The following TNFRSF10B variants were observed in gnomAD, a reference collection of about 807,000 sequenced individuals.
TNFRSF10B encodes tumor necrosis factor receptor superfamily member 10B.
TNFRSF10B carries 35 observed loss-of-function variants against 41.4 expected under a neutral mutation model. The observed-to-expected ratio is 0.85, with a 90% CI of 0.65 to 1.12. TNFRSF10B has a LOEUF of 1.12. Ranked by LOEUF, TNFRSF10B falls within the 50% of genes most tolerant of loss-of-function variation. The pLI is 0.00. For missense variants in TNFRSF10B, 584 were observed against 552.7 expected (o/e 1.06, Z -0.57); for synonymous variants, 230 against 215.5 (o/e 1.07, Z -0.59).
At chr8:23,033,873 A>C (rs1585211181) in intron 2 of TNFRSF10B, among the ~76,000 whole-genome samples, 2 of 152,186 alleles carry the variant, frequency 1.3e-5, no homozygotes, top group South Asian at 4.2e-4. Flanking sequence ...AAAAGGCACT[A>C]ATCCCATCAT....
intron 1 of TNFRSF10B, among the ~76,000 whole-genome samples, chr8:23,043,758 A>C (rs1414501757): frequency 6.6e-6 from 1 of 152,358 alleles, no homozygotes; most frequent in African/African-American, 2.4e-5. Context: ...TAGACCAGAG[A>C]GCCCAGAAAT....
intron 2 of TNFRSF10B, among the ~76,000 whole-genome samples, chr8:23,037,710 T>C (rs1812064178): frequency 6.6e-6 from 1 of 152,222 alleles, no homozygotes. Flanking sequence ...ATATGGCTTT[T>C]TGAAAACTCA....
chr8:23,042,702 G>A (rs1186156215), intron 2 of TNFRSF10B, among the ~76,000 whole-genome samples: 3 of 152,092 alleles, frequency 2.0e-5, no homozygotes, highest in African/African-American at 2.4e-5. Flanking sequence ...CTGACCCCAC[G>A]TGTCTCTCTA....
intron 1 of TNFRSF10B, among the ~76,000 whole-genome samples, chr8:23,047,340 A>G (rs1812393612): frequency 6.8e-6 from 1 of 146,870 alleles, no homozygotes; most frequent in East Asian, 2.0e-4. Flanking sequence ...CTAGGCAACA[A>G]GAGTGAAATT....
In TNFRSF10B at chr8:23,022,239, GAC is replaced by G. The variant is rs576075595; in HGVS notation, c.*430_*431del. On this transcript the variant is annotated 3_prime_UTR_variant, in exon 9 of 9. Coordinates refer to ENST00000276431, the MANE Select transcript of TNFRSF10B (RefSeq NM_003842.5). ...TGCACCATTGCACTCCAGCCTGGGA[GAC>G]AGAGTGAACTGCCCCGCACCCCCCA... 9.0e-4 allele frequency: 407 copies of G among 453,400 alleles called. No homozygotes were observed. Among genetic ancestry groups the G allele is most frequent in the African/African-American group, 7.5e-3 (375 of 50,106 alleles). 28.1% of individuals were successfully genotyped at this position (453,400 alleles called of 1,614,324 possible). A position where few individuals can be genotyped will look rare whatever the true frequency, so the allele number is the denominator to read the frequency against.
chr8:23,046,350 A>C (rs144991431), intron 1 of TNFRSF10B, among the ~76,000 whole-genome samples: 163 of 152,236 alleles, frequency 1.1e-3, no homozygotes, highest in Admixed American at 3.1e-3. Flanking sequence ...GCAATGACAA[A>C]AAAAAATTAG....
rs1481179846 is a variant in TNFRSF10B at position 23,022,187 on chromosome 8, G to C, written c.*484C>G. The C allele has an allele frequency of 2.2e-6, 1 of 450,556 alleles. No homozygotes were observed. Among genetic ancestry groups the C allele is most frequent in the Non-Finnish European group, 4.5e-6 (1 of 224,034 alleles). 27.9% of individuals were successfully genotyped at this position (450,556 alleles called of 1,614,324 possible). A position where few individuals can be genotyped will look rare whatever the true frequency, so the allele number is the denominator to read the frequency against. On this transcript the variant is annotated 3_prime_UTR_variant, in exon 9 of 9. Coordinates refer to ENST00000276431, the MANE Select transcript of TNFRSF10B (RefSeq NM_003842.5). ...AGGTGGGAGAATCGCTTGAGCCTGA[G>C]AGGTCAAGGCTATAGTGAGCCAAGA...
intron 5 of TNFRSF10B, 84 bp from the exon 6 acceptor site, chr8:23,027,837 G>C: frequency 6.5e-7 from 1 of 1,539,284 alleles, no homozygotes; most frequent in African/African-American, 1.4e-5. Flanking sequence ...CGCAGGGCTG[G>C]GCTGGGGGCT....
chr8:23,067,518 C>A (rs1813024755), intron 1 of TNFRSF10B, among the ~76,000 whole-genome samples: 1 of 151,950 alleles, frequency 6.6e-6, no homozygotes, highest in African/African-American at 2.4e-5. Context: ...TCTTTAAAAG[C>A]AGCCAGAGAC....
chr8:23,059,758 T>C (rs1312058558), intron 1 of TNFRSF10B, among the ~76,000 whole-genome samples: 18 of 152,168 alleles, frequency 1.2e-4, no homozygotes, highest in Admixed American at 1.2e-3. Context: ...GTGATCCGCC[T>C]GCCTTGGCCT....
intron 2 of TNFRSF10B, among the ~76,000 whole-genome samples, chr8:23,037,500 A>G (rs548809081): frequency 1.3e-5 from 2 of 152,326 alleles, no homozygotes; most frequent in East Asian, 3.9e-4. Flanking sequence ...CCTGCATGCA[A>G]TGCTTCTGTC....
In TNFRSF10B at chr8:23,027,720, A is replaced by G; in HGVS notation, c.780+2T>C. ...CCCCAGCTCCTGGAGAAATCAACTC[A>G]CTCTGTCCACACGCTCAGGGTCCCC... is the stretch of plus-strand genomic sequence containing the variant. On this transcript the variant is annotated splice_donor_variant, in intron 6 of 8. Coordinates refer to ENST00000276431, the MANE Select transcript of TNFRSF10B (RefSeq NM_003842.5). LOFTEE classifies it high-confidence loss of function. 2 of 1,613,428 alleles carry G rather than the reference A, an allele frequency of 1.2e-6. No homozygotes were observed. Among genetic ancestry groups the G allele is most frequent in the South Asian group, 2.2e-5 (2 of 91,038 alleles).
In TNFRSF10B at chr8:23,021,605, T is replaced by C. The variant is rs990344039; in HGVS notation, c.*1066A>G. ...CCAGCCTGTCCATAGATGGGGGCTA[T>C]GGGTGCAAATGAGACTGCCCAGGTA... On this transcript the variant is annotated 3_prime_UTR_variant, in exon 9 of 9. Coordinates refer to ENST00000276431, the MANE Select transcript of TNFRSF10B (RefSeq NM_003842.5). 6.6e-6 allele frequency: 3 copies of C among 454,140 alleles called. No homozygotes were observed. The highest frequency in any genetic ancestry group is 1.3e-5 in the Non-Finnish European group (3 of 226,798). The allele number at this position is 454,140 out of a possible 1,614,324, so 28.1% of individuals were successfully genotyped here.
In TNFRSF10B at chr8:23,021,792, TGAGG is replaced by T. The variant is rs778078692; in HGVS notation, c.*875_*878del. ...CCAATCATTGAAGCCAAAGTACATC[TGAGG>T]GAGGGCTGGAACCCAGACAGTGACA... On this transcript the variant is annotated 3_prime_UTR_variant, in exon 9 of 9. Coordinates refer to ENST00000276431, the MANE Select transcript of TNFRSF10B (RefSeq NM_003842.5). 6.6e-6 allele frequency: 3 copies of T among 454,008 alleles called. No individual in the cohort carries two copies. Among genetic ancestry groups the T allele is most frequent in the South Asian group, 4.7e-5 (3 of 64,486 alleles). 28.1% of individuals were successfully genotyped at this position (454,008 alleles called of 1,614,324 possible). A position where few individuals can be genotyped will look rare whatever the true frequency, so the allele number is the denominator to read the frequency against.
At chr8:23,065,155 G>A (rs1044569682) in intron 1 of TNFRSF10B, among the ~76,000 whole-genome samples, 1 of 152,170 alleles carries the variant, frequency 6.6e-6, no homozygotes, top group Non-Finnish European at 1.5e-5. Flanking sequence ...GGGCTCATTT[G>A]TCCTTCCCCA....
At chr8:23,033,364 C>G (rs1438415914) in intron 2 of TNFRSF10B, among the ~76,000 whole-genome samples, 1 of 151,910 alleles carries the variant, frequency 6.6e-6, no homozygotes, top group Non-Finnish European at 1.5e-5. Flanking sequence ...GCGGGCGGAT[C>G]ACGAGGTCAG....
In TNFRSF10B at chr8:23,043,154, C is replaced by T. The variant is rs1177608049; in HGVS notation, c.234G>A (p.Glu78=). The T allele has an allele frequency of 1.9e-6, 3 of 1,614,142 alleles. No homozygotes were observed. Among genetic ancestry groups the T allele is most frequent in the Admixed American group, 1.7e-5 (1 of 60,026 alleles). Residue 78 remains glutamate (E), a synonymous_variant, in exon 2 of 9, where the codon GAG becomes GAA. Coordinates refer to ENST00000276431, the MANE Select transcript of TNFRSF10B (RefSeq NM_003842.5). ...APQQKRSSPS[E]GLCPPGHHIS... ...TGAACATACCAGGTGGACACAATCC[C>T]TCTGAGGGGCTGGACCTCTTTTGTT...
At chr8:23,067,693 G>A (rs945131401) in intron 1 of TNFRSF10B, among the ~76,000 whole-genome samples, 1 of 152,090 alleles carries the variant, frequency 6.6e-6, no homozygotes, top group African/African-American at 2.4e-5. Context: ...GGTGTGGGGC[G>A]GAAACAGTGA....
chr8:23,042,184 A>G (rs779389395), intron 2 of TNFRSF10B, among the ~76,000 whole-genome samples: 2 of 152,116 alleles, frequency 1.3e-5, no homozygotes, highest in Non-Finnish European at 2.9e-5. Flanking sequence ...GCATTTACAG[A>G]TGAGTTTGTG....
Sources: gnomAD v4.1 joint callset for allele counts (sites outside exome capture counted in the v4.1 genomes callset) on GRCh38, gnomAD v4.1.1 for gene constraint, MANE v1.5 for transcripts, NCBI Gene and HGNC (gene_info 2026-07-23, HGNC 2026-07-21) for gene names.